ZNRF3: variants seen among roughly 807,000 people sequenced by gnomAD.
The protein encoded by ZNRF3 is E3 ubiquitin-protein ligase ZNRF3.
ZNRF3 carries 23 observed loss-of-function variants against 72.5 expected under a neutral mutation model. That is an observed-to-expected ratio of 0.32 (90% CI 0.23 to 0.45). ZNRF3 has a LOEUF of 0.45. Among genes scored for constraint, ZNRF3 ranks in the 20% least tolerant of loss-of-function variants. The pLI is 1.00. For synonymous variants in ZNRF3, 610 were observed against 545.3 expected, an observed-to-expected ratio of 1.12 and a Z score of -1.65; for missense variants, 1,169 against 1,272.1, an observed-to-expected ratio of 0.92 and a Z score of 1.23.
At chr22:28,887,217 A>G (rs924081426) in intron 1 of ZNRF3, among the ~76,000 whole-genome samples, 2 of 123,908 alleles carry the variant, frequency 1.6e-5, no homozygotes, top group Non-Finnish European at 3.2e-5. Context: ...TTATATGCCA[A>G]CGAAGAGAGA....
intron 2 of ZNRF3, among the ~76,000 whole-genome samples, chr22:29,000,572 A>G (rs1010969651): frequency 1.3e-5 from 2 of 152,238 alleles, no homozygotes; most frequent in African/African-American, 4.8e-5. Flanking sequence ...ACAATTTACA[A>G]TTTATAGCAT....
chr22:28,995,216 G>A (rs2036027309), intron 2 of ZNRF3, among the ~76,000 whole-genome samples: 1 of 152,118 alleles, frequency 6.6e-6, no homozygotes, highest in Non-Finnish European at 1.5e-5. Flanking sequence ...GGTGGATCAC[G>A]AGGTCAGGAG....
At chr22:29,042,075 AC>A (rs2036972786) in intron 2 of ZNRF3, among the ~76,000 whole-genome samples, 1 of 152,160 alleles carries the variant, frequency 6.6e-6, no homozygotes, top group African/African-American at 2.4e-5. Context: ...AAGTCATCTG[AC>A]CTCATGATTA....
intron 1 of ZNRF3, among the ~76,000 whole-genome samples, chr22:28,975,279 G>A (rs1173989150): frequency 4.6e-5 from 7 of 152,092 alleles, no homozygotes; most frequent in African/African-American, 7.2e-5. Context: ...CGAGGTGGGC[G>A]GATCACAAGG....
chr22:28,973,083 A>G (rs1429600499), intron 1 of ZNRF3, among the ~76,000 whole-genome samples: 3 of 152,156 alleles, frequency 2.0e-5, no homozygotes, highest in African/African-American at 4.8e-5. Flanking sequence ...TGTGGGCTCA[A>G]TCTTCCTGCC....
At chr22:28,988,820 G>A (rs1358152730) in intron 2 of ZNRF3, among the ~76,000 whole-genome samples, 1 of 152,052 alleles carries the variant, frequency 6.6e-6, no homozygotes, top group African/African-American at 2.4e-5. Context: ...GCTTTGCCCC[G>A]GTCTGGTGGG....
chr22:28,972,929 A>G (rs1266721368), intron 1 of ZNRF3, among the ~76,000 whole-genome samples: 1 of 152,136 alleles, frequency 6.6e-6, no homozygotes, highest in Non-Finnish European at 1.5e-5. Flanking sequence ...TTGTCTTTTT[A>G]TTGAGTTGTA....
At chr22:29,000,238 G>A (rs2036119353) in intron 2 of ZNRF3, among the ~76,000 whole-genome samples, 1 of 152,104 alleles carries the variant, frequency 6.6e-6, no homozygotes, top group South Asian at 2.1e-4. Context: ...TAAAATTCTG[G>A]TCAGCCTGAA....
intron 1 of ZNRF3, among the ~76,000 whole-genome samples, chr22:28,948,931 C>G (rs898129820): frequency 6.6e-6 from 1 of 152,154 alleles, no homozygotes; most frequent in African/African-American, 2.4e-5. Flanking sequence ...GTAGCTCTTC[C>G]AAATACTAAC....
In ZNRF3 at chr22:28,992,290, G is replaced by T. The variant is rs148491159; in HGVS notation, c.426+5089G>T. Among the ~76,000 whole-genome samples, 325 of 151,190 alleles carry T rather than the reference G, an allele frequency of 2.1e-3. 1 individual carries two copies. Among genetic ancestry groups the T allele is most frequent in the Middle Eastern group, 6.8e-3 (2 of 294 alleles). Reference sequence around the variant, plus strand: ...GTTAGTTCCACATAATAGAAACTCAGCCTGAGCTCTGTTGAGCAGAAAGAG... The same window carrying T: ...GTTAGTTCCACATAATAGAAACTCATCCTGAGCTCTGTTGAGCAGAAAGAG... On this transcript the variant is annotated intron_variant, in intron 2 of 8. Coordinates refer to ENST00000544604, the MANE Select transcript of ZNRF3 (RefSeq NM_001206998.2).
At chr22:28,973,398 A>G (rs1569266643) in intron 1 of ZNRF3, among the ~76,000 whole-genome samples, 1 of 152,070 alleles carries the variant, frequency 6.6e-6, no homozygotes, top group East Asian at 1.9e-4. Flanking sequence ...CTATTGCCCT[A>G]CTTTTTGCAT....
rs2034469681 is a variant in ZNRF3 at position 28,919,450 on chromosome 22, G to T, written c.300+35384G>T. Among the ~76,000 whole-genome samples the T allele has an allele frequency of 2.0e-5, 3 of 152,120 alleles. No individual in the cohort carries two copies. The South Asian group carries it at 6.2e-4, about 31-fold the overall frequency. On this transcript the variant is annotated intron_variant, in intron 1 of 8. Transcript: ENST00000544604. ...TCATTGAATAGATGAGGAAAGGGAG[G>T]CTGGAAAAAGTGAGATGACTTATCC...
At chr22:29,031,767 C>CCAGCCGGTCCTA in intron 2 of ZNRF3, 1 of 272,632 alleles carries the variant, frequency 3.7e-6, no homozygotes, top group Non-Finnish European at 5.6e-6. Context: ...TCCCTAGGAC[C>CCAGCCGGTCCTA]GGCTGGGTGC....
At chr22:28,904,773 T>C (rs995257949) in intron 1 of ZNRF3, among the ~76,000 whole-genome samples, 1 of 152,060 alleles carries the variant, frequency 6.6e-6, no homozygotes, top group Non-Finnish European at 1.5e-5. Flanking sequence ...TGGTAAAGGC[T>C]ACCTCTCTGT....
intron 1 of ZNRF3, among the ~76,000 whole-genome samples, chr22:28,896,682 C>G (rs2034004960): frequency 6.6e-6 from 1 of 152,236 alleles, no homozygotes; most frequent in African/African-American, 2.4e-5. Flanking sequence ...GACTTGGCAT[C>G]TTTTCAGAAA....
At chr22:29,033,569 G>A (rs2123873953) in intron 2 of ZNRF3, among the ~76,000 whole-genome samples, 1 of 152,246 alleles carries the variant, frequency 6.6e-6, no homozygotes, top group Non-Finnish European at 1.5e-5. Flanking sequence ...AGGTGGGCTG[G>A]GCTGAGGAGC....
rs57329565 is a variant in ZNRF3, at chr22:28,994,176, C to CTTTTTTTTTTTTTTTTTTTTTTTTTTTT, written c.426+7002_426+7003insTTTTTTTTTTTTTTTTTTTTTTTTTTTT. 9.5e-4 allele frequency among the ~76,000 whole-genome samples: 38 copies of CTTTTTTTTTTTTTTTTTTTTTTTTTTTT among 39,808 alleles called. 8 individuals carry two copies. Among genetic ancestry groups the CTTTTTTTTTTTTTTTTTTTTTTTTTTTT allele is most frequent in the Non-Finnish European group, 1.4e-3 (31 of 22,954 alleles). The allele number at this position is 39,808 out of a possible 152,430, so 26.1% of individuals were successfully genotyped here. A position where few individuals can be genotyped will look rare whatever the true frequency, so the allele number is the denominator to read the frequency against. On this transcript the variant is annotated intron_variant, in intron 2 of 8. Transcript: ENST00000544604. ...TCCTTTATTGTCCTTCAGTTCCTTT[C>CTTTTTTTTTTTTTTTTTTTTTTTTTTTT]TTTTTTTTTTTTTTTTTTTTTTTTT...
rs1312498581 is a variant in ZNRF3 at position 29,050,101 on chromosome 22, T to C, written c.1920T>C (p.Gly640=). The part of the protein sequence containing the change: ...PEELPAVHSH[G]AGRGEPWPGP... Reference sequence around the variant, plus strand: ...AGCTCCCGGCGGTGCACAGTCATGGTGCTGGGCGGGGCGAGCCTTGGCCGG... The same window carrying C: ...AGCTCCCGGCGGTGCACAGTCATGGCGCTGGGCGGGGCGAGCCTTGGCCGG... The change falls in exon 8 of 9, where the codon GGT becomes GGC. Residue 640 remains glycine (G), a synonymous_variant. Coordinates refer to ENST00000544604, the MANE Select transcript of ZNRF3 (RefSeq NM_001206998.2). The C allele has an allele frequency of 4.4e-6, 7 of 1,608,320 alleles. No individual in the cohort carries two copies. In the South Asian group the frequency reaches 5.5e-5, roughly 13 times the overall value.
chr22:28,884,147 G>T (rs1479973429), intron 1 of ZNRF3, 81 bp downstream of exon 1: 1 of 1,011,892 alleles, frequency 9.9e-7, no homozygotes, highest in African/African-American at 1.7e-5. Context: ...CCCGCCGCGG[G>T]CTGCCTGACT....
Sources: allele counts gnomAD v4.1 joint callset (sites outside exome capture counted in the v4.1 genomes callset), GRCh38; gene constraint gnomAD v4.1.1; transcripts MANE v1.5; gene names NCBI Gene and HGNC (gene_info 2026-07-23, HGNC 2026-07-21).